The following PVT1 variants were observed in gnomAD, a reference collection of about 807,000 sequenced individuals.
PVT1 encodes Pvt1 oncogene, also known as CXCR4/PVT1 fusion.
chr8:127,868,414 G>A (rs1165366735), intron 2 of PVT1, among the ~76,000 whole-genome samples: 1 of 151,986 alleles, frequency 6.6e-6, no homozygotes, highest in Non-Finnish European at 1.5e-5. Flanking sequence ...TTGAGATGGA[G>A]TCTCACTCTA....
intron 4 of PVT1, among the ~76,000 whole-genome samples, chr8:128,057,336 G>T (rs887296843): frequency 2.6e-5 from 4 of 152,136 alleles, no homozygotes; most frequent in Admixed American, 2.6e-4. Flanking sequence ...ACAGAACAAG[G>T]ATTCAAACCC....
intron 4 of PVT1, among the ~76,000 whole-genome samples, chr8:128,053,827 G>T (rs1243992998): frequency 6.6e-6 from 1 of 152,234 alleles, no homozygotes; most frequent in Non-Finnish European, 1.5e-5. Context: ...AACCAGAAGG[G>T]TTGGGGCAAG....
chr8:127,855,720 G>T (rs4733800), intron 2 of PVT1, among the ~76,000 whole-genome samples: 1 of 152,222 alleles, frequency 6.6e-6, no homozygotes, highest in East Asian at 1.9e-4. Flanking sequence ...TCAGGACAGC[G>T]TTTCTCTTGG....
chr8:127,831,102 CGT>C (rs536737625), intron 2 of PVT1, among the ~76,000 whole-genome samples: 145 of 147,786 alleles, frequency 9.8e-4, no homozygotes, highest in Middle Eastern at 3.4e-3. Context: ...TATATACATA[CGT>C]GTGTGTGTGT....
At chr8:127,931,741 A>G (rs2129887878) in intron 3 of PVT1, among the ~76,000 whole-genome samples, 1 of 152,358 alleles carries the variant, frequency 6.6e-6, no homozygotes, top group South Asian at 2.1e-4. Context: ...GATTTCACTC[A>G]GCGCGAGCCA....
chr8:127,957,582 A>AG (rs71300283), intron 3 of PVT1, among the ~76,000 whole-genome samples: 14,081 of 144,524 alleles, frequency 0.097, 757 homozygotes, highest in Non-Finnish European at 0.12. Flanking sequence ...AAAAAAAAAA[A>AG]AAAAGAAAAG....
intron 3 of PVT1, among the ~76,000 whole-genome samples, chr8:127,963,554 GA>G (rs1429791386): frequency 2.0e-5 from 3 of 152,112 alleles, no homozygotes; most frequent in Admixed American, 2.0e-4. Context: ...CTTTTCCATA[GA>G]AAGGCAGCAC....
intron 4 of PVT1, among the ~76,000 whole-genome samples, chr8:128,037,436 GT>G (rs780002509): frequency 1.3e-5 from 2 of 152,222 alleles, no homozygotes; most frequent in Non-Finnish European, 2.9e-5. Flanking sequence ...TGGAAATGCA[GT>G]TGTCATTGTT....
intron 4 of PVT1, among the ~76,000 whole-genome samples, chr8:128,036,258 G>A (rs1813460463): frequency 1.3e-5 from 2 of 152,156 alleles, no homozygotes; most frequent in African/African-American, 4.8e-5. Context: ...GTAAAATAAG[G>A]GTAATAGTGA....
intron 2 of PVT1, among the ~76,000 whole-genome samples, chr8:127,856,682 TAA>T (rs974254543): frequency 1.3e-5 from 2 of 152,222 alleles, no homozygotes; most frequent in African/African-American, 4.8e-5. Flanking sequence ...TGTTGAGGAC[TAA>T]AATGGAGTTT....
At chr8:128,000,728 T>C (rs552049811) in intron 4 of PVT1, among the ~76,000 whole-genome samples, 128 of 152,318 alleles carry the variant, frequency 8.4e-4, no homozygotes, top group South Asian at 1.9e-3. Context: ...TTGATTTTAG[T>C]GTGTAGGGCT....
intron 3 of PVT1, among the ~76,000 whole-genome samples, chr8:127,970,383 T>C (rs1816752286): frequency 1.5e-5 from 2 of 136,294 alleles, no homozygotes; most frequent in African/African-American, 5.3e-5. Context: ...CTGCAAGCTC[T>C]GCCTCCCAGG....
intron 4 of PVT1, among the ~76,000 whole-genome samples, chr8:128,028,100 G>T (rs1813335749): frequency 6.6e-6 from 1 of 152,236 alleles, no homozygotes; most frequent in South Asian, 2.1e-4. Context: ...CTTTTGTTCA[G>T]CCACCTCGGT....
intron 5 of PVT1, among the ~76,000 whole-genome samples, chr8:128,074,017 T>C (rs1814046006): frequency 6.6e-6 from 1 of 152,184 alleles, no homozygotes; most frequent in South Asian, 2.1e-4. Flanking sequence ...TGCCATTTTC[T>C]CTTCTCTTCC....
chr8:128,041,250 GTGTT>G lies in PVT1; in HGVS notation n.913-28906_913-28903del, dbSNP rs1019947942. ...GCATGTGTGTGTGTTGTTTGTGTGT[GTGTT>G]TGTGCATGTGTGTGCATCTGTGTGT... On this transcript the variant is annotated intron_variant and non_coding_transcript_variant, in intron 4 of 10. Coordinates refer to ENST00000651587, the Ensembl canonical transcript of PVT1. Among the ~76,000 whole-genome samples, 79 of 144,816 alleles carry G rather than the reference GTGTT, an allele frequency of 5.5e-4. 1 individual carries two copies. Among genetic ancestry groups the G allele is most frequent in the South Asian group, 4.5e-4 (2 of 4,424 alleles).
intron 4 of PVT1, among the ~76,000 whole-genome samples, chr8:128,035,098 G>T (rs988648734): frequency 6.6e-6 from 1 of 152,192 alleles, no homozygotes; most frequent in African/African-American, 2.4e-5. Flanking sequence ...CCAGTTATTT[G>T]CAGGCTTCTC....
intron 3 of PVT1, among the ~76,000 whole-genome samples, chr8:127,909,294 G>A (rs1215885076): frequency 2.0e-5 from 3 of 152,186 alleles, no homozygotes; most frequent in Admixed American, 6.5e-5. Flanking sequence ...TGCTGTGTTC[G>A]CAGTGTGGTT....
intron 3 of PVT1, among the ~76,000 whole-genome samples, chr8:127,900,722 G>T (rs892480492): frequency 9.2e-5 from 14 of 152,362 alleles, no homozygotes; most frequent in Admixed American, 6.5e-4. Context: ...GGCTGCAGGT[G>T]CATGTCTGGG....
chr8:128,056,650 C>T (rs747710399), intron 4 of PVT1, among the ~76,000 whole-genome samples: 20 of 152,226 alleles, frequency 1.3e-4, no homozygotes, highest in African/African-American at 3.9e-4. Context: ...CTCCACCACA[C>T]GAATGGTTGC....
Sources: allele counts gnomAD v4.1 joint callset (sites outside exome capture counted in the v4.1 genomes callset), GRCh38; gene constraint gnomAD v4.1.1; transcripts MANE v1.5; gene names NCBI Gene and HGNC (gene_info 2026-07-23, HGNC 2026-07-21).